UNC13C: variants seen among roughly 807,000 people sequenced by gnomAD.
UNC13C encodes the protein protein unc-13 homolog C.
A neutral mutation model predicts 245.4 loss-of-function variants in UNC13C; 174 were observed. That is an observed-to-expected ratio of 0.71 (90% confidence interval 0.63 to 0.80). UNC13C has a LOEUF of 0.80. Among genes scored for constraint, UNC13C ranks in the 30% least tolerant of loss-of-function variants. UNC13C has a pLI of 0.00. For missense variants in UNC13C, 2,829 were observed against 2,602.9 expected, an observed-to-expected ratio of 1.09 and a Z score of -1.89; for synonymous variants, 992 against 895.1, an observed-to-expected ratio of 1.11 and a Z score of -1.93.
intron 2 of UNC13C, among the ~76,000 whole-genome samples, chr15:54,039,388 G>A (rs891322338): frequency 2.0e-5 from 3 of 152,130 alleles, no homozygotes; most frequent in African/African-American, 2.4e-5. Context: ...CTGGCAGGGC[G>A]ACAATGAAAC....
At chr15:54,601,222 A>G (rs920993295) in intron 30 of UNC13C, among the ~76,000 whole-genome samples, 3 of 152,176 alleles carry the variant, frequency 2.0e-5, no homozygotes, top group African/African-American at 4.8e-5. Flanking sequence ...AGCAACAAAC[A>G]TGTTTTGGTG....
Position 54,546,615 on chromosome 15 carries a change from TATA to T in UNC13C, c.5697-101_5697-99del. Reference sequence around the variant, plus strand: ...TAGTTTTTTGAGATTATACATTTTGTATAATAATTTAGTAAATGGAATTTAGCA... The same window carrying T: ...TAGTTTTTTGAGATTATACATTTTGTATAATTTAGTAAATGGAATTTAGCA... On this transcript the variant is annotated intron_variant, in intron 26 of 32. Transcript: ENST00000260323. 4 of 578,004 alleles carry T rather than the reference TATA, an allele frequency of 6.9e-6. No homozygotes were observed. The South Asian group carries it at 1.5e-4, about 22-fold the overall frequency. 35.8% of individuals were successfully genotyped at this position (578,004 alleles called of 1,614,324 possible).
chr15:54,473,502 A>T (rs938683036), intron 19 of UNC13C, among the ~76,000 whole-genome samples: 1 of 151,488 alleles, frequency 6.6e-6, no homozygotes, highest in Non-Finnish European at 1.5e-5. Flanking sequence ...ACCTCTCTTG[A>T]TTCTCTCCTC....
At chr15:54,419,999 A>G (rs2140958060) in intron 19 of UNC13C, among the ~76,000 whole-genome samples, 1 of 152,126 alleles carries the variant, frequency 6.6e-6, no homozygotes, top group Non-Finnish European at 1.5e-5. Flanking sequence ...CCCCCTTTCT[A>G]GTTAATTGTT....
chr15:54,413,882 T>A (rs2040465298), intron 18 of UNC13C, among the ~76,000 whole-genome samples: 2 of 152,214 alleles, frequency 1.3e-5, no homozygotes, highest in South Asian at 4.1e-4. Context: ...AATATTTTTA[T>A]TCATGTGTGC....
chr15:54,399,796 A>G (rs1205962713), intron 18 of UNC13C, among the ~76,000 whole-genome samples: 1 of 151,988 alleles, frequency 6.6e-6, no homozygotes, highest in Non-Finnish European at 1.5e-5. Context: ...TGCTGAAGTG[A>G]GGAAGTTTAG....
At chr15:54,073,043 C>G (rs998967712) in intron 2 of UNC13C, among the ~76,000 whole-genome samples, 3 of 152,110 alleles carry the variant, frequency 2.0e-5, no homozygotes, top group Admixed American at 6.5e-5. Context: ...CCCTCCACCC[C>G]CCGACAGGCC....
At chr15:54,251,643 C>T (rs1479867623) in intron 8 of UNC13C, among the ~76,000 whole-genome samples, 2 of 152,188 alleles carry the variant, frequency 1.3e-5, no homozygotes, top group Non-Finnish European at 2.9e-5. Flanking sequence ...GGTAGTGTCA[C>T]TTAAAAATTG....
Position 54,622,355 on chromosome 15 carries a change from G to C in UNC13C, c.6135G>C (p.Gln2045His). ...QSRSSKDAVG[Q>H]ISVHVDITAT... Reference sequence around the variant, plus strand: ...GTTCCTCCAAAGATGCCGTGGGTCAGATATCTGTTCATGTGGACATCACTG... The same window carrying C: ...GTTCCTCCAAAGATGCCGTGGGTCACATATCTGTTCATGTGGACATCACTG... The change falls in exon 31 of 33, where the codon CAG (glutamine) becomes CAC (histidine). Residue 2045 changes from glutamine (Q) to histidine (H), a missense_variant. Transcript: ENST00000260323. 2 of 1,613,320 alleles carry C rather than the reference G, an allele frequency of 1.2e-6. No individual in the cohort carries two copies. The highest frequency in any genetic ancestry group is 1.3e-5 in the African/African-American group (1 of 75,002).
intron 16 of UNC13C, among the ~76,000 whole-genome samples, chr15:54,338,039 C>T (rs573304144): frequency 2.0e-5 from 3 of 152,120 alleles, no homozygotes; most frequent in African/African-American, 7.2e-5. Context: ...TTCTATCATT[C>T]ATTGCTGTAT....
intron 30 of UNC13C, among the ~76,000 whole-genome samples, chr15:54,618,060 A>G (rs1343216733): frequency 6.6e-6 from 1 of 152,152 alleles, no homozygotes; most frequent in East Asian, 1.9e-4. Flanking sequence ...TAAAAGCATT[A>G]TATGAGTAGT....
At position 54,308,453 on chromosome 15, in the gene UNC13C, G is replaced by A. The variant is rs535595266; in HGVS notation, c.4268+8080G>A. Among the ~76,000 whole-genome samples the A allele has an allele frequency of 5.9e-5, 9 of 151,784 alleles. No homozygotes were observed. The South Asian group carries it at 1.9e-3, about 32-fold the overall frequency. On this transcript the variant is annotated intron_variant, in intron 13 of 32. Transcript: ENST00000260323. The stretch of plus-strand genomic sequence containing the variant: ...TTGAAGTATATATACATTGTAAAAT[G>A]ACTAAATCTAGCTAATGAACATATA...
chr15:54,619,473 C>G (rs905412910), intron 30 of UNC13C, among the ~76,000 whole-genome samples: 2 of 152,108 alleles, frequency 1.3e-5, no homozygotes, highest in African/African-American at 4.8e-5. Flanking sequence ...TTTGTAACTG[C>G]GAAACAAAGT....
chr15:54,298,793 A>C (rs2140943649), intron 12 of UNC13C, among the ~76,000 whole-genome samples: 1 of 152,308 alleles, frequency 6.6e-6, no homozygotes, highest in Non-Finnish European at 1.5e-5. Context: ...AAATAGGTGA[A>C]GCTGAGGAAT....
chr15:54,436,744 T>C (rs1310950545), intron 19 of UNC13C, among the ~76,000 whole-genome samples: 16 of 151,802 alleles, frequency 1.1e-4, no homozygotes. Context: ...GATGGGTTGA[T>C]GAGTGCAGCA....
At chr15:54,029,587 G>A (rs1254375755) in intron 2 of UNC13C, among the ~76,000 whole-genome samples, 1 of 152,096 alleles carries the variant, frequency 6.6e-6, no homozygotes, top group Non-Finnish European at 1.5e-5. Flanking sequence ...TAAATAACTG[G>A]ATAATTAATG....
the UNC13C span, among the ~76,000 whole-genome samples, chr15:53,947,381 G>T: frequency 6.6e-6 from 1 of 152,122 alleles, no homozygotes; most frequent in South Asian, 2.1e-4. Context: ...ATGAACAAAT[G>T]AAATAGAAAG....
At chr15:54,585,138 C>T (rs76851129) in intron 30 of UNC13C, among the ~76,000 whole-genome samples, 1,721 of 152,228 alleles carry the variant, frequency 0.011, 71 homozygotes, top group East Asian at 0.093. Context: ...ATAGTTTGAA[C>T]GTTTGGCCCC....
chr15:54,149,393 T>C (rs755514781), intron 4 of UNC13C, among the ~76,000 whole-genome samples: 3 of 152,186 alleles, frequency 2.0e-5, no homozygotes, highest in Non-Finnish European at 2.9e-5. Flanking sequence ...AAGAGTGAAA[T>C]AGAGATTTCT....
Sources: allele counts gnomAD v4.1 joint callset (sites outside exome capture counted in the v4.1 genomes callset), GRCh38; gene constraint gnomAD v4.1.1; transcripts MANE v1.5; gene names NCBI Gene and HGNC (gene_info 2026-07-23, HGNC 2026-07-21).